Variants in RABGAP1L observed in about 807,000 individuals in gnomAD.
RABGAP1L encodes RAB GTPase activating protein 1 like.
In RABGAP1L, 63 loss-of-function variants were observed where a neutral mutation model predicts 137.7. The observed-to-expected ratio is 0.46, with a 90% CI of 0.37 to 0.56. The LOEUF (loss-of-function observed/expected upper bound fraction) is 0.56. RABGAP1L is among the 20% of genes least tolerant of loss of function. The pLI is 0.00. For missense variants in RABGAP1L, 1,095 were observed against 1,244.0 expected (o/e 0.88, Z 1.80); for synonymous variants, 431 against 433.7 (o/e 0.99, Z 0.08).
Position 174,991,974 on chromosome 1 carries a change from C to T in RABGAP1L, c.*1973C>T, listed in dbSNP as rs1672085625. Reference sequence around the variant, plus strand: ...GTGTTGTGAATTTCATAGTTCTGTACAGAGCTTGTTTCAATTTACAAAAAT... The same window carrying T: ...GTGTTGTGAATTTCATAGTTCTGTATAGAGCTTGTTTCAATTTACAAAAAT... On this transcript the variant is annotated 3_prime_UTR_variant, in exon 26 of 26. Transcript: ENST00000681986. 1 of 152,098 alleles carries T rather than the reference C, an allele frequency of 6.6e-6. No individual in the cohort carries two copies. The highest frequency in any genetic ancestry group is 6.6e-5 in the Admixed American group (1 of 15,262). The allele number at this position is 152,098 out of a possible 1,614,324, so 9.4% of individuals were successfully genotyped here.
intron 14 of RABGAP1L, among the ~76,000 whole-genome samples, chr1:174,651,400 C>T (rs1279794017): frequency 6.6e-6 from 1 of 152,106 alleles, no homozygotes; most frequent in African/African-American, 2.4e-5. Flanking sequence ...TGTTAACTTT[C>T]TGTCTCGTTG....
intron 11 of RABGAP1L, among the ~76,000 whole-genome samples, chr1:174,316,803 T>C (rs1679415514): frequency 6.6e-6 from 1 of 152,032 alleles, no homozygotes; most frequent in South Asian, 2.1e-4. Flanking sequence ...TCAGGGACCT[T>C]AGAATTCTAC....
At chr1:174,509,040 T>G (rs905619759) in intron 13 of RABGAP1L, among the ~76,000 whole-genome samples, 1 of 152,364 alleles carries the variant, frequency 6.6e-6, no homozygotes, top group East Asian at 1.9e-4. Flanking sequence ...GAGAAGAGTC[T>G]ATTCATGGCA....
chr1:174,975,136 G>A (rs1670536143), intron 21 of RABGAP1L, among the ~76,000 whole-genome samples: 1 of 152,350 alleles, frequency 6.6e-6, no homozygotes, highest in East Asian at 1.9e-4. Flanking sequence ...CACCTATTCT[G>A]TACTTGGCAT....
At chr1:174,916,413 G>C (rs964314172) in intron 19 of RABGAP1L, among the ~76,000 whole-genome samples, 1 of 152,140 alleles carries the variant, frequency 6.6e-6, no homozygotes, top group African/African-American at 2.4e-5. Context: ...TGAAAAGAGT[G>C]ATCCAGAAGC....
intron 13 of RABGAP1L, among the ~76,000 whole-genome samples, chr1:174,616,667 T>G (rs1671908288): frequency 6.6e-6 from 1 of 152,222 alleles, no homozygotes; most frequent in South Asian, 2.1e-4. Context: ...GTCAGCTTAG[T>G]GATGGGAGTG....
intron 6 of RABGAP1L, among the ~76,000 whole-genome samples, chr1:174,251,786 A>G (rs1312745682): frequency 6.6e-6 from 1 of 152,126 alleles, no homozygotes; most frequent in African/African-American, 2.4e-5. Context: ...TCACTGTTTT[A>G]CAGGCACTTA....
At chr1:174,695,226 G>A (rs940452814) in intron 15 of RABGAP1L, among the ~76,000 whole-genome samples, 2 of 151,716 alleles carry the variant, frequency 1.3e-5, no homozygotes, top group African/African-American at 2.4e-5. Context: ...TCCTCTTTAC[G>A]CTCAATAATT....
At chr1:174,209,367 G>T (rs1408636342) in intron 1 of RABGAP1L, among the ~76,000 whole-genome samples, 1 of 152,104 alleles carries the variant, frequency 6.6e-6, no homozygotes, top group Non-Finnish European at 1.5e-5. Context: ...GGAGCCCTCT[G>T]CCCTGAGGAA....
intron 19 of RABGAP1L, among the ~76,000 whole-genome samples, chr1:174,902,149 C>G (rs1658249312): frequency 4.6e-5 from 7 of 152,194 alleles, no homozygotes. Flanking sequence ...AATTGTCACC[C>G]AGTCAGGAGG....
intron 18 of RABGAP1L, among the ~76,000 whole-genome samples, chr1:174,795,217 A>G (rs1194261175): frequency 6.6e-6 from 1 of 152,130 alleles, no homozygotes; most frequent in Non-Finnish European, 1.5e-5. Context: ...ACTGTGGCAT[A>G]AGGATTATTT....
chr1:174,281,340 C>T (rs902904967), intron 10 of RABGAP1L, among the ~76,000 whole-genome samples: 1 of 152,050 alleles, frequency 6.6e-6, no homozygotes, highest in Non-Finnish European at 1.5e-5. Context: ...TGCTGATTGG[C>T]CTGTTTTTAC....
chr1:174,547,968 T>A lies in RABGAP1L; in HGVS notation c.1711-89407T>A, dbSNP rs561421817. 4 of 1,550,592 alleles carry A rather than the reference T, an allele frequency of 2.6e-6. No individual in the cohort carries two copies. The African/African-American group carries it at 5.5e-5, about 21-fold the overall frequency. Reference sequence around the variant, plus strand: ...TTAGACTTGATGTTCTGATTACTTATACTTTTTGTTTTAGTTCCTTTCCTG... The same window carrying A: ...TTAGACTTGATGTTCTGATTACTTAAACTTTTTGTTTTAGTTCCTTTCCTG... On this transcript the variant is annotated intron_variant, in intron 13 of 25. Coordinates refer to ENST00000681986, the MANE Select transcript of RABGAP1L (RefSeq NM_001366446.1).
At chr1:174,196,568 C>A (rs981349457) in intron 1 of RABGAP1L, among the ~76,000 whole-genome samples, 2 of 149,512 alleles carry the variant, frequency 1.3e-5, no homozygotes, top group Non-Finnish European at 3.0e-5. Flanking sequence ...AGTTTTTAAT[C>A]TTTTTTCTTT....
chr1:174,368,128 CG>C (rs1558172027), intron 11 of RABGAP1L: 3 of 152,350 alleles, frequency 2.0e-5, no homozygotes, highest in Middle Eastern at 3.4e-3. Context: ...AGCAGACTGC[CG>C]GGCAGCATCC....
chr1:174,495,101 G>A lies in RABGAP1L; in HGVS notation c.1710+100956G>A, dbSNP rs144061290. Among the ~76,000 whole-genome samples, 480 of 152,292 alleles carry A rather than the reference G, an allele frequency of 3.2e-3. 2 individuals are homozygous for A. The highest frequency in any genetic ancestry group is 6.8e-3 in the South Asian group (33 of 4,828). ...CATGTAGTACTCTGCAGCCTGGGTT[G>A]TAAGGCTTATAATGAGTGTTTGCCC... On this transcript the variant is annotated intron_variant, in intron 13 of 25. Coordinates refer to ENST00000681986, the MANE Select transcript of RABGAP1L (RefSeq NM_001366446.1).
intron 13 of RABGAP1L, among the ~76,000 whole-genome samples, chr1:174,619,010 C>T (rs1028157807): frequency 6.6e-5 from 10 of 152,022 alleles, no homozygotes; most frequent in Admixed American, 1.3e-4. Context: ...CCTCAGTAGC[C>T]GATTTGATCA....
At chr1:174,613,953 C>G (rs1190452954) in intron 13 of RABGAP1L, among the ~76,000 whole-genome samples, 1 of 152,094 alleles carries the variant, frequency 6.6e-6, no homozygotes, top group Non-Finnish European at 1.5e-5. Context: ...ATGTGTGTCT[C>G]TGCACATGAG....
chr1:174,968,748 C>G (rs1277407376), intron 20 of RABGAP1L, among the ~76,000 whole-genome samples: 4 of 152,116 alleles, frequency 2.6e-5, no homozygotes, highest in Non-Finnish European at 4.4e-5. Flanking sequence ...ATAAAAATGT[C>G]AGCTGTTAGC....
Sources: allele counts gnomAD v4.1 joint callset (sites outside exome capture counted in the v4.1 genomes callset), GRCh38; gene constraint gnomAD v4.1.1; transcripts MANE v1.5; gene names NCBI Gene and HGNC (gene_info 2026-07-23, HGNC 2026-07-21).